Variants in CPVL observed in about 807,000 individuals in gnomAD.
CPVL encodes the protein carboxypeptidase vitellogenic like, also known as probable serine carboxypeptidase CPVL.
A neutral mutation model predicts 63.7 loss-of-function variants in CPVL; 51 were observed. That is an observed-to-expected ratio of 0.80 (90% CI 0.64 to 1.01). CPVL has a LOEUF of 1.01. CPVL is among the 50% of genes least tolerant of loss of function. The probability of loss-of-function intolerance (pLI) is 0.00; values close to 1 mark genes in which losing one functional copy is unlikely to be tolerated. For missense variants in CPVL, 530 were observed against 573.1 expected, an observed-to-expected ratio of 0.92 and a Z score of 0.77; for synonymous variants, 195 against 206.0, an observed-to-expected ratio of 0.95 and a Z score of 0.46.
intron 3 of CPVL, among the ~76,000 whole-genome samples, chr7:29,098,118 G>A (rs1268311086): frequency 6.6e-6 from 1 of 152,122 alleles, no homozygotes; most frequent in Admixed American, 6.6e-5. Context: ...CCTCTGACTT[G>A]GCCTGGCTAT....
At chr7:29,042,916 C>T (rs749031940) in intron 11 of CPVL, among the ~76,000 whole-genome samples, 4 of 152,194 alleles carry the variant, frequency 2.6e-5, no homozygotes, top group African/African-American at 4.8e-5. Flanking sequence ...CAGAGCATTC[C>T]GCAAAGTGCA....
rs755310501 is a variant in CPVL at position 29,195,023 on chromosome 7, G to A, written c.-448+54C>T. The A allele has an allele frequency of 6.3e-6, 10 of 1,576,432 alleles. 1 individual carries two copies. The South Asian group carries it at 1.0e-4, about 16-fold the overall frequency. ...TCAGCCCGTCGGGCGCTGCTGCCGC[G>A]CCGGGTCTCGCCCCACTGCCCTCGC... On this transcript the variant is annotated intron_variant, in intron 1 of 16. Coordinates refer to the CPVL transcript ENST00000409850.
chr7:29,195,108 G>T, exon 1 of CPVL: 2 of 1,096,190 alleles, frequency 1.8e-6, no homozygotes, highest in East Asian at 3.0e-5. Context: ...TCTCGGAATG[G>T]GGGCAGGCGT....
intron 5 of CPVL, among the ~76,000 whole-genome samples, chr7:29,160,650 T>C (rs1190378863): frequency 6.6e-6 from 1 of 152,112 alleles, no homozygotes; most frequent in Non-Finnish European, 1.5e-5. Context: ...GACTCCTAAT[T>C]TGGGTGGTGT....
intron 2 of CPVL, among the ~76,000 whole-genome samples, chr7:29,117,682 G>A (rs1251259871): frequency 6.6e-6 from 1 of 152,102 alleles, no homozygotes; most frequent in East Asian, 1.9e-4. Flanking sequence ...CAAGATATTT[G>A]ATTTCTCCGG....
chr7:29,155,498 A>G (rs909902117), intron 5 of CPVL, among the ~76,000 whole-genome samples: 2 of 152,218 alleles, frequency 1.3e-5, no homozygotes, highest in African/African-American at 4.8e-5. Context: ...TGGATGTAAC[A>G]GAAGAATAGA....
intron 1 of CPVL, chr7:29,192,632 A>G (rs1225866402): frequency 1.3e-5 from 2 of 152,256 alleles, no homozygotes; most frequent in African/African-American, 2.4e-5. Context: ...TCACTTTGGA[A>G]CACAAACTTC....
chr7:29,120,931 A>T lies in CPVL; in HGVS notation c.131T>A (p.Phe44Tyr), dbSNP rs372917566. ...PPKGDSGQPL[F>Y]LTPYIEAGKI... ...CCCAGCTTCAATGTAAGGGGTGAGA[A>T]ATAATGGCTGTCCTGAGTCTCCCTT... Residue 44 changes from phenylalanine (F) to tyrosine (Y), a missense_variant, in exon 2 of 13, where the codon TTT becomes TAT. Physicochemically the swap from Phe to Tyr is conservative, Grantham distance 22 (BLOSUM62 3). Coordinates refer to ENST00000265394, the MANE Select transcript of CPVL (RefSeq NM_031311.5). The T allele has an allele frequency of 1.5e-5, 24 of 1,613,880 alleles. No individual in the cohort carries two copies. The highest frequency in any genetic ancestry group is 1.9e-5 in the Non-Finnish European group (23 of 1,179,986).
intron 5 of CPVL, among the ~76,000 whole-genome samples, chr7:29,094,466 T>A (rs1786189745): frequency 6.6e-6 from 1 of 152,174 alleles, no homozygotes; most frequent in South Asian, 2.1e-4. Context: ...ACCTGTGATA[T>A]AAGGAACCCA....
At chr7:29,129,957 C>T (rs1420138006) in intron 1 of CPVL, among the ~76,000 whole-genome samples, 1 of 152,152 alleles carries the variant, frequency 6.6e-6, no homozygotes, top group Non-Finnish European at 1.5e-5. Context: ...CCCAGGATTG[C>T]TGGTAAACAT....
At chr7:29,129,914 A>G (rs1172900282) in intron 1 of CPVL, among the ~76,000 whole-genome samples, 1 of 152,214 alleles carries the variant, frequency 6.6e-6, no homozygotes, top group Non-Finnish European at 1.5e-5. Flanking sequence ...ACGAAGAGGC[A>G]GACACTAAGT....
At chr7:29,152,467 A>G (rs1249687756) in intron 5 of CPVL, among the ~76,000 whole-genome samples, 1 of 152,174 alleles carries the variant, frequency 6.6e-6, no homozygotes, top group African/African-American at 2.4e-5. Flanking sequence ...AATGGAAGTC[A>G]TAACAACTTA....
chr7:28,996,584 TTGAAA>T (rs747409678), intron 12 of CPVL, among the ~76,000 whole-genome samples: 13 of 151,394 alleles, frequency 8.6e-5, no homozygotes, highest in Middle Eastern at 3.2e-3. Flanking sequence ...AACTTGACAC[TTGAAA>T]TGAAAGAAAG....
chr7:29,046,366 C>G (rs317702), intron 11 of CPVL, among the ~76,000 whole-genome samples: 126,585 of 152,172 alleles, frequency 0.83, 53,391 homozygotes, highest in African/African-American at 0.95. Flanking sequence ...TTACAGGCGT[C>G]AGCCACCGCG....
chr7:29,078,501 C>A (rs988111996), intron 7 of CPVL, among the ~76,000 whole-genome samples: 2 of 152,184 alleles, frequency 1.3e-5, no homozygotes, highest in African/African-American at 4.8e-5. Flanking sequence ...AATAAAGAGT[C>A]TGAACACACT....
At chr7:29,044,324 T>C (rs1055313777) in intron 11 of CPVL, among the ~76,000 whole-genome samples, 1 of 151,990 alleles carries the variant, frequency 6.6e-6, no homozygotes, top group African/African-American at 2.4e-5. Context: ...GGCTGAGGCA[T>C]GAGAATCACT....
chr7:29,036,088 A>C (rs1788496702), intron 11 of CPVL, among the ~76,000 whole-genome samples: 1 of 152,158 alleles, frequency 6.6e-6, no homozygotes, highest in Admixed American at 6.5e-5. Flanking sequence ...TCTTCCAATC[A>C]ATTCCATTCA....
At chr7:29,124,426 T>C (rs1789761811) in intron 1 of CPVL, among the ~76,000 whole-genome samples, 1 of 152,062 alleles carries the variant, frequency 6.6e-6, no homozygotes, top group Non-Finnish European at 1.5e-5. Flanking sequence ...TCTGGGTAAA[T>C]ACAAAACAAT....
chr7:29,142,208 TA>T (rs1309212223), intron 1 of CPVL, among the ~76,000 whole-genome samples: 2 of 152,220 alleles, frequency 1.3e-5, no homozygotes, highest in Admixed American at 6.5e-5. Context: ...ACACTGTAGA[TA>T]AACAGGCATT....
Sources: gnomAD v4.1 joint callset for allele counts (sites outside exome capture counted in the v4.1 genomes callset) on GRCh38, gnomAD v4.1.1 for gene constraint, MANE v1.5 for transcripts, NCBI Gene and HGNC (gene_info 2026-07-23, HGNC 2026-07-21) for gene names.